ELOVL4: variants seen among roughly 807,000 people sequenced by gnomAD.
The protein encoded by ELOVL4 is very long chain fatty acid elongase 4.
Under a neutral mutation model 42.1 loss-of-function variants are expected in ELOVL4, and 18 were observed. The ratio of observed to expected loss-of-function variants is 0.43; its 90% CI spans 0.30 to 0.63. The LOEUF (loss-of-function observed/expected upper bound fraction) is 0.63. Among genes scored for constraint, ELOVL4 ranks in the 30% least tolerant of loss-of-function variants. The probability of loss-of-function intolerance (pLI) is 0.15; values close to 1 mark genes in which losing one functional copy is unlikely to be tolerated. For synonymous variants in ELOVL4, 117 were observed against 127.0 expected, an observed-to-expected ratio of 0.92 and a Z score of 0.53; for missense variants, 299 against 376.2, an observed-to-expected ratio of 0.79 and a Z score of 1.70.
At chr6:79,931,605 T>G (rs1774446303) in intron 1 of ELOVL4, among the ~76,000 whole-genome samples, 1 of 152,234 alleles carries the variant, frequency 6.6e-6, no homozygotes, top group Non-Finnish European at 1.5e-5. Context: ...GAGCCAAGTC[T>G]TATACTTCAT....
At chr6:79,931,130 G>A (rs12196014) in intron 1 of ELOVL4, among the ~76,000 whole-genome samples, 26,056 of 151,874 alleles carry the variant, frequency 0.17, 2,466 homozygotes, top group Non-Finnish European at 0.21. Flanking sequence ...AAATGGACTC[G>A]TCAAATTTAT....
chr6:79,932,438 G>A (rs185477597), intron 1 of ELOVL4, among the ~76,000 whole-genome samples: 2,200 of 151,946 alleles, frequency 0.014, 29 homozygotes, highest in South Asian at 0.038. Context: ...CCAGCTACTC[G>A]GGAGGCTGAG....
chr6:79,924,275 C>T (rs1164645939), intron 3 of ELOVL4, among the ~76,000 whole-genome samples: 2 of 152,104 alleles, frequency 1.3e-5, no homozygotes, highest in Non-Finnish European at 2.9e-5. Flanking sequence ...TACTTTTCCT[C>T]ACTTTCTTAA....
intron 1 of ELOVL4, among the ~76,000 whole-genome samples, chr6:79,931,497 C>T (rs1774444464): frequency 6.6e-6 from 1 of 152,068 alleles, no homozygotes; most frequent in Admixed American, 6.5e-5. Context: ...ATTATAGATA[C>T]AAATGCTATA....
intron 1 of ELOVL4, among the ~76,000 whole-genome samples, chr6:79,941,602 C>T (rs1329774399): frequency 6.6e-6 from 1 of 152,172 alleles, no homozygotes; most frequent in Non-Finnish European, 1.5e-5. Flanking sequence ...TGGGTCGTGC[C>T]TGTAATCCCA....
intron 3 of ELOVL4, among the ~76,000 whole-genome samples, chr6:79,924,739 G>A (rs1235729571): frequency 6.6e-6 from 1 of 152,112 alleles, no homozygotes; most frequent in Non-Finnish European, 1.5e-5. Flanking sequence ...GGAGGCTGAG[G>A]CAGAAGGATC....
intron 5 of ELOVL4, 110 bp downstream of exon 5, chr6:79,919,310 G>A (rs1032488136): frequency 1.5e-6 from 2 of 1,299,426 alleles, no homozygotes; most frequent in South Asian, 2.4e-5. Context: ...GGAGGATAAA[G>A]TTAATTTCAT....
rs373454117 is a variant in ELOVL4 at position 79,916,894 on chromosome 6, G to C, written c.670-11C>G. 10 of 1,613,910 alleles carry C rather than the reference G, an allele frequency of 6.2e-6. No individual in the cohort carries two copies. The African/African-American group carries it at 1.3e-4, about 22-fold the overall frequency. ...CACATGGAATTGAATCTGAAAAACA[G>C]AAATGACAGCACAAAACATTTAATC... is the stretch of plus-strand genomic sequence containing the variant. On this transcript the variant is annotated splice_polypyrimidine_tract_variant and intron_variant, in intron 5 of 5. Coordinates refer to ENST00000369816, the MANE Select transcript of ELOVL4 (RefSeq NM_022726.4).
intron 1 of ELOVL4, among the ~76,000 whole-genome samples, chr6:79,935,293 T>C (rs1044999478): frequency 2.0e-5 from 3 of 152,262 alleles, no homozygotes; most frequent in Non-Finnish European, 4.4e-5. Context: ...AATCAGGATC[T>C]CCACCAGTCA....
intron 1 of ELOVL4, among the ~76,000 whole-genome samples, chr6:79,944,114 C>G (rs1774696425): frequency 6.6e-6 from 1 of 151,936 alleles, no homozygotes. Flanking sequence ...TGCTAAATGT[C>G]AGGTATGCAA....
At chr6:79,931,697 A>C (rs1774447861) in intron 1 of ELOVL4, among the ~76,000 whole-genome samples, 1 of 151,944 alleles carries the variant, frequency 6.6e-6, no homozygotes, top group Non-Finnish European at 1.5e-5. Context: ...AAGACTAAAG[A>C]CTAAAGCCTG....
chr6:79,928,569 G>T (rs954081142), intron 1 of ELOVL4, among the ~76,000 whole-genome samples: 1 of 152,068 alleles, frequency 6.6e-6, no homozygotes, highest in Admixed American at 6.6e-5. Context: ...ACTACCACAG[G>T]AGAGAGGGAA....
chr6:79,937,255 C>T (rs1418079568), intron 1 of ELOVL4, among the ~76,000 whole-genome samples: 2 of 151,978 alleles, frequency 1.3e-5, no homozygotes, highest in African/African-American at 4.8e-5. Flanking sequence ...GAATGGAGGA[C>T]AGAGTTAAAA....
intron 2 of ELOVL4, among the ~76,000 whole-genome samples, 171 bp downstream of exon 2, chr6:79,926,023 T>A (rs1441673017): frequency 6.6e-6 from 1 of 152,212 alleles, no homozygotes; most frequent in Non-Finnish European, 1.5e-5. Flanking sequence ...AACTTTCCTA[T>A]ACCTCATGTT....
chr6:79,926,118 A>G (rs990828815), intron 2 of ELOVL4, 76 bp downstream of exon 2: 5 of 1,298,194 alleles, frequency 3.9e-6, no homozygotes, highest in Non-Finnish European at 5.5e-6. Flanking sequence ...AAATATTACA[A>G]TGATGGTTTT....
chr6:79,922,057 T>G (rs1774268548), intron 3 of ELOVL4, among the ~76,000 whole-genome samples: 1 of 152,236 alleles, frequency 6.6e-6, no homozygotes, highest in South Asian at 2.1e-4. Flanking sequence ...AGATGTTACA[T>G]AGTGTCAAAC....
chr6:79,921,008 T>G (rs1022666296), intron 4 of ELOVL4, among the ~76,000 whole-genome samples: 1 of 152,174 alleles, frequency 6.6e-6, no homozygotes, highest in African/African-American at 2.4e-5. Context: ...AGGGGCTGTG[T>G]CTTGGTATTC....
chr6:79,939,500 CTACTTTA>C (rs1305071003), intron 1 of ELOVL4, among the ~76,000 whole-genome samples: 1 of 137,570 alleles, frequency 7.3e-6, no homozygotes, highest in Non-Finnish European at 1.6e-5. Flanking sequence ...ATTAATTTGA[CTACTTTA>C]TTTATTTATT....
intron 1 of ELOVL4, among the ~76,000 whole-genome samples, chr6:79,932,835 T>G (rs1774471217): frequency 6.7e-6 from 1 of 148,894 alleles, no homozygotes; most frequent in Admixed American, 6.6e-5. Context: ...GAGTGTCTTA[T>G]GAACAGTGGT....
Sources: allele counts gnomAD v4.1 joint callset (sites outside exome capture counted in the v4.1 genomes callset), GRCh38; gene constraint gnomAD v4.1.1; transcripts MANE v1.5; gene names NCBI Gene and HGNC (gene_info 2026-07-23, HGNC 2026-07-21).